The following IRS2 variants were observed in gnomAD, a reference collection of about 807,000 sequenced individuals.
IRS2 encodes the protein insulin receptor substrate 2.
In IRS2, 28 loss-of-function variants were observed where a neutral mutation model predicts 70.9. The ratio of observed to expected loss-of-function variants is 0.39; its 90% CI spans 0.29 to 0.54. The LOEUF is 0.54. Ranked by LOEUF, IRS2 falls within the 20% of genes least tolerant of loss-of-function variation. The pLI is 0.59. For missense variants in IRS2, 2,081 were observed against 2,024.1 expected (o/e 1.03, Z -0.54); for synonymous variants, 1,217 against 981.9 (o/e 1.24, Z -4.48).
intron 1 of IRS2, among the ~76,000 whole-genome samples, chr13:109,772,788 C>T (rs572786559): frequency 2.6e-5 from 4 of 151,704 alleles, no homozygotes; most frequent in African/African-American, 9.7e-5. Flanking sequence ...CTCCGCTTCC[C>T]GGGTTCACGC....
At chr13:109,781,980 G>A (rs550944735) in intron 1 of IRS2, 62 bp downstream of exon 1, 3 of 1,569,438 alleles carry the variant, frequency 1.9e-6, no homozygotes, top group African/African-American at 1.3e-5. Context: ...TGAAACCCAA[G>A]AGGCTCCCTC....
chr13:109,759,476 G>A (rs546472019), intron 1 of IRS2, among the ~76,000 whole-genome samples: 5 of 152,314 alleles, frequency 3.3e-5, no homozygotes, highest in Admixed American at 6.5e-5. Context: ...GGACCCAGAT[G>A]ACTAGGACCT....
Position 109,762,146 on chromosome 13 carries a change from G to A in IRS2, c.4013-5838C>T, listed in dbSNP as rs983749543. Among the ~76,000 whole-genome samples, 7 of 152,254 alleles carry A rather than the reference G, an allele frequency of 4.6e-5. No homozygotes were observed. The East Asian group carries it at 1.4e-3, about 29-fold the overall frequency. On this transcript the variant is annotated intron_variant, in intron 1 of 1. Coordinates refer to ENST00000375856, the MANE Select transcript of IRS2 (RefSeq NM_003749.3). ...AGATTGTGTAACACAGAATGTACAC[G>A]GTTCTTTTCTGAGTGTTATTGTTAA...
chr13:109,758,616 T>A (rs541579242), intron 1 of IRS2, among the ~76,000 whole-genome samples: 2 of 152,158 alleles, frequency 1.3e-5, no homozygotes, highest in South Asian at 4.1e-4. Flanking sequence ...GAGCTCCAAT[T>A]AAGTTGAACA....
In IRS2 at chr13:109,783,202, G is replaced by C. The variant is rs564509156; in HGVS notation, c.2852C>G (p.Ala951Gly). The C allele has an allele frequency of 1.9e-5, 27 of 1,407,962 alleles. No homozygotes were observed. Among genetic ancestry groups the C allele is most frequent in the Non-Finnish European group, 2.3e-5 (25 of 1,084,970 alleles). 87.2% of individuals were successfully genotyped at this position (1,407,962 alleles called of 1,614,324 possible). A position where few individuals can be genotyped will look rare whatever the true frequency, so the allele number is the denominator to read the frequency against. ...GCCCAGCGACGAGGCCGGGCTGCTG[G>C]CGGACAAGAGCGAGGAGGACGAGGC... ...SAASSSSLLSASSPASSLGSG... is the reference protein window; with the variant it reads ...SAASSSSLLSGSSPASSLGSG... Residue 951 changes from alanine (A) to glycine (G), a missense_variant, in exon 1 of 2, where the codon GCC (alanine) becomes GGC (glycine). Ala to Gly is a moderately conservative substitution (Grantham distance 60). Coordinates refer to ENST00000375856, the MANE Select transcript of IRS2 (RefSeq NM_003749.3).
intron 1 of IRS2, among the ~76,000 whole-genome samples, chr13:109,778,672 TATCTC>T (rs1443289635): frequency 3.9e-5 from 6 of 152,248 alleles, no homozygotes; most frequent in Non-Finnish European, 8.8e-5. Flanking sequence ...TTTGGAAACA[TATCTC>T]TTATCATTCT....
At chr13:109,775,562 T>C (rs1284755940) in intron 1 of IRS2, among the ~76,000 whole-genome samples, 1 of 152,096 alleles carries the variant, frequency 6.6e-6, no homozygotes, top group Non-Finnish European at 1.5e-5. Flanking sequence ...ACAATTGAAA[T>C]TTCATACCAC....
rs758302473 is a variant in IRS2 at position 109,785,179 on chromosome 13, T to C, written c.875A>G (p.Lys292Arg). Residue 292 changes from lysine to arginine, a missense_variant, in exon 1 of 2, where the codon AAG becomes AGG. By Grantham distance (26) the Lys-to-Arg change is conservative (BLOSUM62 2). This residue lies in a region of IRS2 where 111 missense variants were observed against 133.1 expected (regional missense o/e 0.83). Transcript: ENST00000375856. The surrounding 1 kb of genome is among the most constrained non-coding windows in gnomAD (Gnocchi z 9.3). ...NIHETILEAM[K>R]ALKELFEFRP... Reference sequence around the variant, plus strand: ...GAACTCGAAGAGCTCCTTGAGCGCCTTCATGGCCTCCAGGATGGTCTCGTG... The same window carrying C: ...GAACTCGAAGAGCTCCTTGAGCGCCCTCATGGCCTCCAGGATGGTCTCGTG... 3.1e-6 allele frequency: 5 copies of C among 1,601,814 alleles called. No individual in the cohort carries two copies. In the South Asian group the frequency reaches 5.6e-5, roughly 18 times the overall value.
rs1414441364 is a variant in IRS2, at chr13:109,768,084, T to C, written c.4013-11776A>G. Among the ~76,000 whole-genome samples, 12 of 152,348 alleles carry C rather than the reference T, an allele frequency of 7.9e-5. No individual in the cohort carries two copies. The South Asian group carries it at 2.1e-3, about 26-fold the overall frequency. ...ACATGATTTTGTAATATTCAATATA[T>C]ATGAAATTTCTAGAAAATAATTGTT... On this transcript the variant is annotated intron_variant, in intron 1 of 1. Coordinates refer to ENST00000375856, the MANE Select transcript of IRS2 (RefSeq NM_003749.3).
At chr13:109,769,592 C>G (rs1877409058) in intron 1 of IRS2, among the ~76,000 whole-genome samples, 1 of 152,218 alleles carries the variant, frequency 6.6e-6, no homozygotes. Flanking sequence ...CCTTTCCCCC[C>G]TCTCCCTTCC....
chr13:109,772,986 C>T (rs1025848244), intron 1 of IRS2, among the ~76,000 whole-genome samples: 3 of 152,144 alleles, frequency 2.0e-5, no homozygotes, highest in South Asian at 2.1e-4. Flanking sequence ...TGAGCCACCG[C>T]GCCCGGCCGC....
chr13:109,782,423 G>A lies in IRS2; in HGVS notation c.3631C>T (p.Pro1211Ser), dbSNP rs1877736338. The stretch of plus-strand genomic sequence containing the variant: ...GGCCGGCCCTGCGGTGCCAAAGGGG[G>A]CGCCGGCTGCAACTGTCGTGGGGAG... Reference protein sequence around the residue: ...PTSPRQLQPAPPLAPQGRPWT... With the variant: ...PTSPRQLQPASPLAPQGRPWT... Residue 1211 changes from proline to serine, a missense_variant, in exon 1 of 2, where the codon CCC (proline) becomes TCC (serine). Physicochemically the swap from Pro to Ser is moderately conservative, Grantham distance 74. Coordinates refer to ENST00000375856, the MANE Select transcript of IRS2 (RefSeq NM_003749.3). 6.3e-7 allele frequency: 1 copy of A among 1,595,514 alleles called. No individual in the cohort carries two copies. Among genetic ancestry groups the A allele is most frequent in the Non-Finnish European group, 8.5e-7 (1 of 1,170,986 alleles).
At position 109,786,534 on chromosome 13, in the gene IRS2, T is replaced by TGCC. The variant is rs1482424991; in HGVS notation, c.-484_-482dup. 1 of 154,124 alleles carries TGCC rather than the reference T, an allele frequency of 6.5e-6. No homozygotes were observed. Among genetic ancestry groups the TGCC allele is most frequent in the African/African-American group, 2.4e-5 (1 of 41,172 alleles). 9.5% of individuals were successfully genotyped at this position (154,124 alleles called of 1,614,324 possible). ...CTGCTGCTGGTGTTGCTGCTGCTGC[T>TGCC]GCCAACGGCGACCCGGGCTCGTCGC... On this transcript the variant is annotated 5_prime_UTR_variant, in exon 1 of 2. Coordinates refer to ENST00000375856, the MANE Select transcript of IRS2 (RefSeq NM_003749.3). This position sits in a 1 kb window ranked among gnomAD's most constrained non-coding sequence, Gnocchi z 4.4.
chr13:109,755,214 C>CTTTTTTTTTTT lies in IRS2; in HGVS notation c.*1079_*1089dup, dbSNP rs375324802. ...CTCTTTTTATCAGTTTCTTTCTTTC[C>CTTTTTTTTTTT]TTTTTTTTTTTTCTTTTTGTTTTTT... is the stretch of plus-strand genomic sequence containing the variant. On this transcript the variant is annotated 3_prime_UTR_variant, in exon 2 of 2. Transcript: ENST00000375856. The CTTTTTTTTTTT allele has an allele frequency of 1.3e-4, 25 of 193,944 alleles. No homozygotes were observed. The highest frequency in any genetic ancestry group is 4.1e-4 in the African/African-American group (17 of 41,036). The allele number at this position is 193,944 out of a possible 1,614,324, so 12.0% of individuals were successfully genotyped here.
At chr13:109,771,250 T>C (rs1877445563) in intron 1 of IRS2, among the ~76,000 whole-genome samples, 1 of 152,164 alleles carries the variant, frequency 6.6e-6, no homozygotes, top group Non-Finnish European at 1.5e-5. Flanking sequence ...TGGATGTTTA[T>C]ATCTAAAAGG....
Position 109,783,412 on chromosome 13 carries a change from A to G in IRS2, c.2642T>C (p.Leu881Ser), listed in dbSNP as rs1877788562. The G allele has an allele frequency of 1.3e-6, 2 of 1,487,130 alleles. No homozygotes were observed. Among genetic ancestry groups the G allele is most frequent in the African/African-American group, 1.5e-5 (1 of 68,576 alleles). The allele number at this position is 1,487,130 out of a possible 1,614,324, so 92.1% of individuals were successfully genotyped here. Residue 881 changes from leucine to serine, a missense_variant, in exon 1 of 2, where the codon TTG becomes TCG. Leu to Ser is a moderately radical substitution (Grantham distance 145, BLOSUM62 -2). Coordinates refer to ENST00000375856, the MANE Select transcript of IRS2 (RefSeq NM_003749.3). ...CCTCACCGCCCGGCCGCGCTGGCCC[A>G]AGAAGCCCTCCGGGCGGCCGCCGCT... ...RPSGGRPEGF[L>S]GQRGRAVRPT...
At chr13:109,765,026 G>A (rs1185542607) in intron 1 of IRS2, among the ~76,000 whole-genome samples, 4 of 152,152 alleles carry the variant, frequency 2.6e-5, no homozygotes, top group Non-Finnish European at 5.9e-5. Context: ...TACTACTCAG[G>A]CAGCTGCCCA....
intron 1 of IRS2, among the ~76,000 whole-genome samples, chr13:109,767,515 C>T (rs1419499216): frequency 6.6e-6 from 1 of 152,074 alleles, no homozygotes; most frequent in Non-Finnish European, 1.5e-5. Flanking sequence ...AAGGCTGTGC[C>T]TGAGTCCTTG....
At position 109,782,327 on chromosome 13, in the gene IRS2, T is replaced by G. The variant is rs778415049; in HGVS notation, c.3727A>C (p.Thr1243Pro). 6.2e-7 allele frequency: 1 copy of G among 1,609,984 alleles called. No homozygotes were observed. The highest frequency in any genetic ancestry group is 8.5e-7 in the Non-Finnish European group (1 of 1,179,038). The change falls in exon 1 of 2, where the codon ACC becomes CCC. Residue 1243 changes from threonine (T) to proline (P), a missense_variant. By Grantham distance (38) the Thr-to-Pro change is conservative. This residue lies in a region of IRS2 where 1,615 missense variants were observed against 1,459.5 expected (regional missense o/e 1.11). Coordinates refer to ENST00000375856, the MANE Select transcript of IRS2 (RefSeq NM_003749.3). ...GSGGSPMRRETSAGFQNGLNY... is the reference protein window; with the variant it reads ...GSGGSPMRREPSAGFQNGLNY... The stretch of plus-strand genomic sequence containing the variant: ...AGACCATTCTGGAAGCCGGCAGAGG[T>G]CTCTCTGCGCATGGGCGATCCACCG...
Sources: gnomAD v4.1 joint callset for allele counts (sites outside exome capture counted in the v4.1 genomes callset) on GRCh38, gnomAD v4.1.1 for gene constraint, gnomAD v4.1.1 regional missense constraint, Gnocchi (gnomAD v3.1) non-coding constraint, MANE v1.5 for transcripts, NCBI Gene and HGNC (gene_info 2026-07-23, HGNC 2026-07-21) for gene names.